HS3ST4: variants seen among roughly 807,000 people sequenced by gnomAD.
HS3ST4 encodes heparan sulfate glucosamine 3-O-sulfotransferase 4.
HS3ST4 carries 17 observed loss-of-function variants against 29.2 expected under a neutral mutation model. That is an observed-to-expected ratio of 0.58 (90% CI 0.40 to 0.87). The LOEUF is 0.87. Ranked by LOEUF, HS3ST4 falls within the 40% of genes least tolerant of loss-of-function variation. The pLI is 0.00. For synonymous variants in HS3ST4, 314 were observed against 285.7 expected (o/e 1.10, Z -1.00); for missense variants, 627 against 634.5 (o/e 0.99, Z 0.13).
At chr16:26,127,784 G>A (rs978727136) in intron 1 of HS3ST4, among the ~76,000 whole-genome samples, 4 of 152,166 alleles carry the variant, frequency 2.6e-5, no homozygotes, top group Admixed American at 2.0e-4. Flanking sequence ...TACAACCTCA[G>A]TGGAATGTCT....
intron 1 of HS3ST4, among the ~76,000 whole-genome samples, chr16:25,820,119 C>T (rs1380127861): frequency 3.8e-4 from 42 of 110,060 alleles, no homozygotes; most frequent in Middle Eastern, 5.7e-3. Flanking sequence ...TCTCTAGAAA[C>T]GTGCTCTTCT....
In HS3ST4 at chr16:25,872,275, T is replaced by C. The variant is rs1967762742; in HGVS notation, c.734+179124T>C. Among the ~76,000 whole-genome samples the C allele has an allele frequency of 6.2e-5, 7 of 113,616 alleles. No homozygotes were observed. In the South Asian group the frequency reaches 2.3e-3, roughly 37 times the overall value. 74.5% of individuals were successfully genotyped at this position (113,616 alleles called of 152,430 possible). ...CTACTGACAGAAAGAAATGGCTTTG[T>C]CACACCAGTGTGTTCACTTAGTCTG... On this transcript the variant is annotated intron_variant, in intron 1 of 1. Coordinates refer to ENST00000331351, the MANE Select transcript of HS3ST4 (RefSeq NM_006040.3).
intron 1 of HS3ST4, among the ~76,000 whole-genome samples, chr16:25,949,748 A>G (rs547314725): frequency 5.3e-5 from 8 of 152,184 alleles, no homozygotes; most frequent in African/African-American, 1.9e-4. Context: ...AAGGTGGGAC[A>G]GGGTGATTGG....
At chr16:26,128,365 C>T (rs1346233329) in intron 1 of HS3ST4, among the ~76,000 whole-genome samples, 1 of 152,200 alleles carries the variant, frequency 6.6e-6, no homozygotes, top group African/African-American at 2.4e-5. Context: ...GAGGGAATAT[C>T]TTTTAACCTG....
Position 25,733,325 on chromosome 16 carries a change from G to A in HS3ST4, c.734+40174G>A, listed in dbSNP as rs1017036973. Among the ~76,000 whole-genome samples, 6 of 152,224 alleles carry A rather than the reference G, an allele frequency of 3.9e-5. No individual in the cohort carries two copies. In the East Asian group the frequency reaches 7.7e-4, roughly 20 times the overall value. On this transcript the variant is annotated intron_variant, in intron 1 of 1. Transcript: ENST00000331351. ...TTAGTCTCCACTTGTGAGCATCTTG[G>A]TGGAGGATAACAGGTTCACTGAAAG... is the stretch of plus-strand genomic sequence containing the variant.
At chr16:25,900,304 A>G (rs1387382044) in intron 1 of HS3ST4, among the ~76,000 whole-genome samples, 2 of 152,226 alleles carry the variant, frequency 1.3e-5, no homozygotes, top group South Asian at 2.1e-4. Context: ...TGAAAGTGGA[A>G]TGAATGAAAA....
intron 1 of HS3ST4, among the ~76,000 whole-genome samples, chr16:26,069,196 A>C (rs1280105407): frequency 1.3e-5 from 2 of 152,150 alleles, no homozygotes; most frequent in South Asian, 2.1e-4. Flanking sequence ...AAGTGATACA[A>C]CTGCCTCAGC....
At chr16:25,913,526 A>G (rs1007495964) in intron 1 of HS3ST4, among the ~76,000 whole-genome samples, 7 of 152,360 alleles carry the variant, frequency 4.6e-5, no homozygotes, top group African/African-American at 1.7e-4. Flanking sequence ...GCCTTTGGTT[A>G]TAGCAGCTCC....
intron 1 of HS3ST4, among the ~76,000 whole-genome samples, chr16:26,134,981 A>G (rs1898260609): frequency 6.6e-6 from 1 of 152,022 alleles, no homozygotes; most frequent in Non-Finnish European, 1.5e-5. Flanking sequence ...ATTCTATATA[A>G]TTTTCATGCA....
At chr16:26,013,798 A>G (rs1969336102) in intron 1 of HS3ST4, among the ~76,000 whole-genome samples, 1 of 152,064 alleles carries the variant, frequency 6.6e-6, no homozygotes, top group African/African-American at 2.4e-5. Flanking sequence ...TCATGAGGTC[A>G]GGAGATCGAG....
In HS3ST4 at chr16:26,011,722, G is replaced by GGTGT. The variant is rs55657831; in HGVS notation, c.735-123876_735-123873dup. 1.1e-3 allele frequency among the ~76,000 whole-genome samples: 160 copies of GGTGT among 150,124 alleles called. No individual in the cohort carries two copies. In the Middle Eastern group the frequency reaches 0.024, roughly 22 times the overall value. On this transcript the variant is annotated intron_variant, in intron 1 of 1. Transcript: ENST00000331351. ...TGTGTGTGAGAGAGAGACAGAGAGA[G>GGTGT]GTGTGTGTGTGTGTGTGCATGTGTG...
intron 1 of HS3ST4, among the ~76,000 whole-genome samples, chr16:25,939,945 A>G (rs948355960): frequency 6.6e-6 from 1 of 152,162 alleles, no homozygotes; most frequent in Non-Finnish European, 1.5e-5. Context: ...CTGGACCCCA[A>G]AGTGCCCCGG....
At chr16:25,717,631 A>G (rs1966464817) in intron 1 of HS3ST4, among the ~76,000 whole-genome samples, 1 of 151,898 alleles carries the variant, frequency 6.6e-6, no homozygotes, top group Non-Finnish European at 1.5e-5. Context: ...GGAAAAACTA[A>G]AAGCTCAGAG....
At chr16:25,848,449 A>G (rs1967487409) in intron 1 of HS3ST4, among the ~76,000 whole-genome samples, 1 of 107,622 alleles carries the variant, frequency 9.3e-6, no homozygotes, top group Admixed American at 1.2e-4. Flanking sequence ...CTAATTTTAA[A>G]CGAAAAAATA....
At chr16:25,784,623 A>T (rs181313692) in intron 1 of HS3ST4, among the ~76,000 whole-genome samples, 1 of 152,206 alleles carries the variant, frequency 6.6e-6, no homozygotes, top group Non-Finnish European at 1.5e-5. Context: ...AACTCTCTTC[A>T]GTTCTATGAA....
At chr16:25,946,313 GATA>G (rs1405423103) in intron 1 of HS3ST4, among the ~76,000 whole-genome samples, 1 of 152,188 alleles carries the variant, frequency 6.6e-6, no homozygotes, top group African/African-American at 2.4e-5. Context: ...TTTCCTGGTG[GATA>G]ATAACAGATT....
At chr16:26,012,407 A>T (rs144527756) in intron 1 of HS3ST4, among the ~76,000 whole-genome samples, 60 of 152,362 alleles carry the variant, frequency 3.9e-4, no homozygotes, top group Admixed American at 7.8e-4. Context: ...GCAGCTGAGA[A>T]GACCCGATCA....
intron 1 of HS3ST4, among the ~76,000 whole-genome samples, chr16:25,963,657 A>G (rs145002079): frequency 2.0e-5 from 3 of 152,224 alleles, no homozygotes; most frequent in Non-Finnish European, 4.4e-5. Flanking sequence ...CAAATAATTT[A>G]GTCTTGTAAT....
At chr16:25,772,568 A>G (rs1459543161) in intron 1 of HS3ST4, among the ~76,000 whole-genome samples, 2 of 152,210 alleles carry the variant, frequency 1.3e-5, no homozygotes, top group African/African-American at 4.8e-5. Flanking sequence ...GGGATTGAAC[A>G]AATATTAGTT....
Sources: allele counts gnomAD v4.1 joint callset (sites outside exome capture counted in the v4.1 genomes callset), GRCh38; gene constraint gnomAD v4.1.1; transcripts MANE v1.5; gene names NCBI Gene and HGNC (gene_info 2026-07-23, HGNC 2026-07-21).